The following ATP2C1 variants were observed in gnomAD, a reference collection of about 807,000 sequenced individuals.
ATP2C1 encodes the protein ATPase secretory pathway Ca2+ transporting 1, also known as calcium-transporting ATPase type 2C member 1.
ATP2C1 carries 31 observed loss-of-function variants against 120.5 expected under a neutral mutation model. That is an observed-to-expected ratio of 0.26 (90% CI 0.19 to 0.35). The LOEUF (loss-of-function observed/expected upper bound fraction) is 0.35. ATP2C1 is among the 10% of genes least tolerant of loss of function. The pLI is 1.00. For missense variants in ATP2C1, 731 were observed against 1,107.5 expected (o/e 0.66, Z 4.83); for synonymous variants, 351 against 358.7 (o/e 0.98, Z 0.24).
intron 17 of ATP2C1, among the ~76,000 whole-genome samples, chr3:130,970,295 A>G (rs2061238003): frequency 6.7e-6 from 1 of 149,798 alleles, no homozygotes; most frequent in African/African-American, 2.4e-5. Context: ...TGAACCTGGG[A>G]GGCGGAGGTT....
At chr3:130,921,509 A>T (rs957307664) in intron 2 of ATP2C1, among the ~76,000 whole-genome samples, 1 of 152,006 alleles carries the variant, frequency 6.6e-6, no homozygotes, top group Non-Finnish European at 1.5e-5. Flanking sequence ...AAGTAGGGAG[A>T]GTGGGCATCC....
At position 130,980,468 on chromosome 3, in the gene ATP2C1, T is replaced by C. The variant is rs537927056; in HGVS notation, c.1742-114T>C. On this transcript the variant is annotated intron_variant, in intron 19 of 27. Transcript: ENST00000510168. ...ACTGATTCAGATAGGTTTGTATTAC[T>C]GGTAGGTAACAAAAGAGAACAGATA... 1.1e-3 allele frequency: 821 copies of C among 733,760 alleles called. 2 individuals are homozygous for C. The highest frequency in any genetic ancestry group is 1.7e-3 in the Non-Finnish European group (689 of 403,012). The allele number at this position is 733,760 out of a possible 1,614,324, so 45.5% of individuals were successfully genotyped here.
chr3:130,851,976 A>G (rs1343028527), intron 1 of ATP2C1, among the ~76,000 whole-genome samples: 1 of 152,214 alleles, frequency 6.6e-6, no homozygotes, highest in African/African-American at 2.4e-5. Context: ...CAAAAAGGCA[A>G]TGCATAATTT....
chr3:130,963,606 G>T, intron 12 of ATP2C1: 1 of 262,780 alleles, frequency 3.8e-6, no homozygotes, highest in Non-Finnish European at 7.5e-6. Context: ...GTGTTGCCGT[G>T]AACATTCATG....
intron 11 of ATP2C1, among the ~76,000 whole-genome samples, chr3:130,957,932 A>G (rs2060651177): frequency 6.6e-6 from 1 of 152,218 alleles, no homozygotes; most frequent in African/African-American, 2.4e-5. Flanking sequence ...TTGTAAACAT[A>G]AAGTAGAAGG....
At chr3:131,016,028 TTTTTTTTTGTTTTGG>T (rs1054462161) in intron 26 of ATP2C1, 1 of 1,255,090 alleles carries the variant, frequency 8.0e-7, no homozygotes, top group African/African-American at 2.0e-5. Context: ...TTAAGATTAG[TTTTTTTTTGTTTTGG>T]TTTTTTTTTT....
chr3:130,894,324 GT>G lies in ATP2C1; in HGVS notation c.-193del. ...AGACCCCGCAGCCTGGAGGAGGGCTGTCCGGGGCTTTGGGTGGGTACCAGTA... is the reference window on the plus strand; with the variant it reads ...AGACCCCGCAGCCTGGAGGAGGGCTGCCGGGGCTTTGGGTGGGTACCAGTA... On this transcript the variant is annotated 5_prime_UTR_variant, in exon 1 of 28. Transcript: ENST00000510168. This position sits in a 1 kb window ranked among gnomAD's most constrained non-coding sequence, Gnocchi z 4.5. 1.0e-6 allele frequency: 1 copy of G among 994,912 alleles called. No individual in the cohort carries two copies. The highest frequency in any genetic ancestry group is 4.3e-5 in the South Asian group (1 of 23,114). 61.6% of individuals were successfully genotyped at this position (994,912 alleles called of 1,614,324 possible). A position where few individuals can be genotyped will look rare whatever the true frequency, so the allele number is the denominator to read the frequency against.
chr3:130,900,499 T>C (rs755049603), intron 2 of ATP2C1, among the ~76,000 whole-genome samples: 3 of 152,220 alleles, frequency 2.0e-5, no homozygotes, highest in Non-Finnish European at 4.4e-5. Context: ...ATAATAAATA[T>C]ATTTGCCATC....
upstream of ATP2C1, among the ~76,000 whole-genome samples, chr3:130,889,716 G>A (rs2069106688): frequency 7.3e-6 from 1 of 136,318 alleles, no homozygotes; most frequent in Non-Finnish European, 1.5e-5. Context: ...CATGATTACA[G>A]CTCACTGCAG....
At chr3:130,868,291 T>G (rs1396963991) in intron 1 of ATP2C1, 2 of 114,050 alleles carry the variant, frequency 1.8e-5, no homozygotes, top group Admixed American at 9.4e-5. Context: ...GTCCGGGAGG[T>G]GAGGGGCTCC....
At chr3:130,930,247 G>A (rs1353602417) in intron 2 of ATP2C1, 169 bp from the exon 3 acceptor site, 5 of 657,792 alleles carry the variant, frequency 7.6e-6, no homozygotes, top group Non-Finnish European at 1.4e-5. Flanking sequence ...GAAGTAGCAT[G>A]TGGTTAGTAT....
At chr3:131,003,996 T>G (rs2063004660), downstream of ATP2C1, among the ~76,000 whole-genome samples, 1 of 152,208 alleles carries the variant, frequency 6.6e-6, no homozygotes, top group South Asian at 2.1e-4. Context: ...CTGGTTATCT[T>G]TTCATTACAT....
At chr3:130,944,530 A>G (rs1157908167) in intron 8 of ATP2C1, among the ~76,000 whole-genome samples, 2 of 152,200 alleles carry the variant, frequency 1.3e-5, no homozygotes, top group East Asian at 1.9e-4. Flanking sequence ...ACGGCCACTA[A>G]TGGCATCATT....
intron 7 of ATP2C1, 109 bp from the exon 8 acceptor site, chr3:130,941,482 G>C (rs1285404294): frequency 2.4e-6 from 2 of 817,902 alleles, no homozygotes; most frequent in Non-Finnish European, 4.1e-6. Context: ...CTTTTTCTTG[G>C]TTCTTATATT....
downstream of ATP2C1, among the ~76,000 whole-genome samples, chr3:131,005,824 C>T (rs2063086544): frequency 1.3e-5 from 2 of 152,186 alleles, no homozygotes; most frequent in South Asian, 4.1e-4. Flanking sequence ...ATTTCAATCT[C>T]CTTTGTTGTT....
chr3:130,953,742 G>T (rs1559967959), intron 8 of ATP2C1, 79 bp from the exon 9 acceptor site: 2 of 1,452,638 alleles, frequency 1.4e-6, no homozygotes, highest in East Asian at 2.3e-5. Context: ...GTTTGAGGAA[G>T]AAGTGATGAT....
chr3:130,855,629 A>AG (rs2067813362), intron 1 of ATP2C1, among the ~76,000 whole-genome samples: 1 of 152,178 alleles, frequency 6.6e-6, no homozygotes, highest in African/African-American at 2.4e-5. Flanking sequence ...CTTGACTCTC[A>AG]TTCTGTTATG....
At chr3:130,957,800 C>T (rs2060645899) in intron 11 of ATP2C1, among the ~76,000 whole-genome samples, 1 of 152,144 alleles carries the variant, frequency 6.6e-6, no homozygotes, top group Non-Finnish European at 1.5e-5. Flanking sequence ...TGATTGCCCA[C>T]CTCAGCCTCC....
chr3:130,946,897 A>G (rs1163245960), intron 8 of ATP2C1, among the ~76,000 whole-genome samples: 1 of 152,248 alleles, frequency 6.6e-6, no homozygotes, highest in Non-Finnish European at 1.5e-5. Context: ...CATTTAGCAC[A>G]TATTTGAAAA....
Sources: allele counts gnomAD v4.1 joint callset (sites outside exome capture counted in the v4.1 genomes callset), GRCh38; gene constraint gnomAD v4.1.1; non-coding constraint Gnocchi (gnomAD v3.1); transcripts MANE v1.5; gene names NCBI Gene and HGNC (gene_info 2026-07-23, HGNC 2026-07-21).